Variants in NOL4 observed in about 807,000 individuals in gnomAD.
NOL4 encodes the protein nucleolar protein 4.
In NOL4, 17 loss-of-function variants were observed where a neutral mutation model predicts 75.9. That is an observed-to-expected ratio of 0.22 (90% CI 0.15 to 0.34). The LOEUF is 0.34. NOL4 is among the 10% of genes least tolerant of loss of function. The probability of loss-of-function intolerance (pLI) is 1.00; values close to 1 mark genes in which losing one functional copy is unlikely to be tolerated. For missense variants in NOL4, 614 were observed against 793.5 expected, an observed-to-expected ratio of 0.77 and a Z score of 2.72; for synonymous variants, 292 against 289.9, an observed-to-expected ratio of 1.01 and a Z score of -0.07.
At chr18:33,969,755 G>C (rs1600096888) in intron 6 of NOL4, among the ~76,000 whole-genome samples, 1 of 82,876 alleles carries the variant, frequency 1.2e-5, no homozygotes, top group African/African-American at 4.6e-5. Context: ...TCCAGTGCTT[G>C]TCCAAAAAAA....
intron 3 of NOL4, 106 bp from the exon 4 acceptor site, chr18:34,104,265 T>G: frequency 5.6e-6 from 4 of 717,194 alleles, no homozygotes; most frequent in Middle Eastern, 3.6e-4. Flanking sequence ...AGATATCAAG[T>G]GTCTTAAAGC....
chr18:34,213,354 A>G (rs2036643143), intron 1 of NOL4, among the ~76,000 whole-genome samples: 1 of 152,054 alleles, frequency 6.6e-6, no homozygotes, highest in South Asian at 2.1e-4. Flanking sequence ...CAGTGGTGCA[A>G]TCTTGGCTCA....
intron 5 of NOL4, among the ~76,000 whole-genome samples, chr18:34,034,511 G>T (rs2075791922): frequency 6.6e-6 from 1 of 152,200 alleles, no homozygotes; most frequent in Non-Finnish European, 1.5e-5. Context: ...GGCCAAGTCG[G>T]GTGGATCACT....
chr18:33,988,126 A>G (rs568468619), intron 6 of NOL4, among the ~76,000 whole-genome samples: 54 of 152,228 alleles, frequency 3.5e-4, no homozygotes, highest in Middle Eastern at 3.4e-3. Flanking sequence ...GAAATATGAA[A>G]TTCTTATGCA....
At chr18:34,076,411 A>G (rs16965072) in intron 5 of NOL4, among the ~76,000 whole-genome samples, 5,715 of 152,310 alleles carry the variant, frequency 0.038, 171 homozygotes, top group South Asian at 0.094. Flanking sequence ...TCCAAAGGTC[A>G]TCCTGAATAG....
chr18:34,039,845 G>A (rs1225545985), intron 5 of NOL4, among the ~76,000 whole-genome samples: 7 of 151,942 alleles, frequency 4.6e-5, no homozygotes, highest in African/African-American at 7.2e-5. Context: ...AGTTGAAAGA[G>A]CATTTTGAGC....
intron 10 of NOL4, among the ~76,000 whole-genome samples, chr18:33,872,503 T>C (rs1214001927): frequency 3.3e-5 from 5 of 152,078 alleles, no homozygotes; most frequent in African/African-American, 1.2e-4. Context: ...AATGATTAAA[T>C]ACAAAGAACC....
Position 33,943,157 on chromosome 18 carries a change from G to A in NOL4, c.1450C>T (p.Leu484Phe), listed in dbSNP as rs2145574654. 6.2e-7 allele frequency: 1 copy of A among 1,610,600 alleles called. No homozygotes were observed. The highest frequency in any genetic ancestry group is 8.5e-7 in the Non-Finnish European group (1 of 1,178,292). ...FEMSRPIPSH[L>F]TSAVAESILA... ...ATACTCTCTGCAACTGCTGAAGTAA[G>A]GTGGGAAGGAATAGGTCGAGACTAA... is the stretch of plus-strand genomic sequence containing the variant. The change falls in exon 9 of 11, where the codon CTT (leucine) becomes TTT (phenylalanine). Residue 484 changes from leucine (L) to phenylalanine (F), a missense_variant. By Grantham distance (22) the Leu-to-Phe change is conservative. Around this residue, in one of 9 missense-constraint regions of NOL4, gnomAD observed 52 missense variants for 121.1 expected, o/e 0.43. Transcript: ENST00000261592.
intron 10 of NOL4, among the ~76,000 whole-genome samples, chr18:33,879,920 T>G (rs1490446982): frequency 6.6e-6 from 1 of 152,060 alleles, no homozygotes; most frequent in Non-Finnish European, 1.5e-5. Flanking sequence ...GTACATTCAT[T>G]TTTTCTATTA....
rs75043589 is a variant in NOL4 at position 33,948,626 on chromosome 18, G to A, written c.1429-5448C>T. ...TATCACTATTTTTATTCTTAAAAAT[G>A]ACAAAACTGAGGTTCAGTCAGAAAA... On this transcript the variant is annotated intron_variant, in intron 8 of 10. Transcript: ENST00000261592. Among the ~76,000 whole-genome samples, 180 of 152,024 alleles carry A rather than the reference G, an allele frequency of 1.2e-3. 1 individual carries two copies. Among genetic ancestry groups the A allele is most frequent in the African/African-American group, 4.2e-3 (176 of 41,514 alleles).
At chr18:34,024,464 A>G (rs949224536) in intron 5 of NOL4, among the ~76,000 whole-genome samples, 1 of 151,936 alleles carries the variant, frequency 6.6e-6, no homozygotes, top group Non-Finnish European at 1.5e-5. Context: ...AAGAAAAAAA[A>G]TTAAAAATTC....
intron 10 of NOL4, among the ~76,000 whole-genome samples, chr18:33,866,732 G>T (rs1402452470): frequency 1.3e-5 from 2 of 152,062 alleles, no homozygotes; most frequent in Non-Finnish European, 2.9e-5. Context: ...TCTGTTTCCA[G>T]GCAATTTTTG....
chr18:34,058,591 T>A (rs905590859), intron 5 of NOL4, among the ~76,000 whole-genome samples: 3 of 152,160 alleles, frequency 2.0e-5, no homozygotes, highest in Non-Finnish European at 2.9e-5. Flanking sequence ...GAGACTCCTA[T>A]GTGCCTACGT....
At chr18:33,853,100 C>A in intron 10 of NOL4, 65 bp from the exon 11 acceptor site, 8 of 1,355,228 alleles carry the variant, frequency 5.9e-6, no homozygotes, top group Non-Finnish European at 8.1e-6. Context: ...TGGATGTGAG[C>A]ATTCAATAAA....
intron 6 of NOL4, among the ~76,000 whole-genome samples, chr18:34,003,905 C>T (rs779731468): frequency 2.0e-5 from 3 of 152,040 alleles, no homozygotes; most frequent in Non-Finnish European, 4.4e-5. Flanking sequence ...ACCCTCCTCC[C>T]TTTGGAATTC....
chr18:34,023,060 C>A (rs1974180233), intron 5 of NOL4, among the ~76,000 whole-genome samples: 1 of 152,062 alleles, frequency 6.6e-6, no homozygotes, highest in Non-Finnish European at 1.5e-5. Context: ...ATATTTCATT[C>A]CTGAGTAAAT....
At chr18:33,949,312 T>G (rs1034559069) in intron 8 of NOL4, among the ~76,000 whole-genome samples, 1 of 152,118 alleles carries the variant, frequency 6.6e-6, no homozygotes, top group African/African-American at 2.4e-5. Context: ...CAATTAACCC[T>G]GGCCACCTGA....
chr18:34,045,014 C>G (rs1305973393), intron 5 of NOL4, among the ~76,000 whole-genome samples: 1 of 152,144 alleles, frequency 6.6e-6, no homozygotes, highest in Non-Finnish European at 1.5e-5. Flanking sequence ...GTATTTTTCT[C>G]TGTCCTTCTT....
At chr18:34,002,180 G>A (rs1196374677) in intron 6 of NOL4, among the ~76,000 whole-genome samples, 1 of 152,028 alleles carries the variant, frequency 6.6e-6, no homozygotes, top group Admixed American at 6.6e-5. Context: ...TCATAGTAGT[G>A]ACAATAGTCA....
Sources: allele counts gnomAD v4.1 joint callset (sites outside exome capture counted in the v4.1 genomes callset), GRCh38; gene constraint gnomAD v4.1.1; regional missense constraint gnomAD v4.1.1; transcripts MANE v1.5; gene names NCBI Gene and HGNC (gene_info 2026-07-23, HGNC 2026-07-21).